The following SAMTOR variants were observed in gnomAD, a reference collection of about 807,000 sequenced individuals.
The protein encoded by SAMTOR is UPF0532 protein C7orf60.
At chr7:112,932,500 C>T in the SAMTOR span, among the ~76,000 whole-genome samples, 1 of 152,156 alleles carries the variant, frequency 6.6e-6, no homozygotes, top group Admixed American at 6.5e-5. Context: ...AAAGATAAAA[C>T]TCAACTATCT....
chr7:112,901,555 T>G, the SAMTOR span, among the ~76,000 whole-genome samples: 1 of 152,176 alleles, frequency 6.6e-6, no homozygotes, highest in African/African-American at 2.4e-5. Flanking sequence ...GCACAATAAA[T>G]GTAATGCACT....
the SAMTOR span, among the ~76,000 whole-genome samples, chr7:112,876,666 T>C: frequency 6.6e-6 from 1 of 152,182 alleles, no homozygotes; most frequent in Non-Finnish European, 1.5e-5. Context: ...TAACAGTGTA[T>C]GGATGCAGAG....
the SAMTOR span, among the ~76,000 whole-genome samples, chr7:112,859,547 T>C: frequency 1.3e-5 from 2 of 152,186 alleles, no homozygotes; most frequent in African/African-American, 4.8e-5. Flanking sequence ...ATTCCATAAG[T>C]ATTGTTGCCA....
the SAMTOR span, among the ~76,000 whole-genome samples, chr7:112,871,741 C>CACTAGTTAAACAAAGACT: frequency 1.3e-5 from 2 of 152,100 alleles, no homozygotes; most frequent in Admixed American, 6.5e-5. Flanking sequence ...ATTGACAGAC[C>CACTAGTTAAACAAAGACT]ACTAGTTAAA....
chr7:112,937,257 T>C, the SAMTOR span, among the ~76,000 whole-genome samples: 11 of 152,162 alleles, frequency 7.2e-5, no homozygotes, highest in African/African-American at 2.7e-4. Context: ...AACTCCAAGA[T>C]CCTAAGCTGG....
At chr7:112,840,101 C>A in the SAMTOR span, among the ~76,000 whole-genome samples, 7 of 151,872 alleles carry the variant, frequency 4.6e-5, no homozygotes, top group African/African-American at 1.7e-4. Context: ...GTTTTAACAA[C>A]ACCCAGAGAT....
chr7:112,826,715 C>T, the SAMTOR span, among the ~76,000 whole-genome samples: 1 of 152,060 alleles, frequency 6.6e-6, no homozygotes, highest in African/African-American at 2.4e-5. Context: ...TGCTTTGAGA[C>T]TGTTACCTAA....
the SAMTOR span, among the ~76,000 whole-genome samples, chr7:112,891,460 A>G: frequency 6.6e-6 from 1 of 152,222 alleles, no homozygotes; most frequent in East Asian, 1.9e-4. Context: ...TACTTTCATA[A>G]TTATTTTCTG....
the SAMTOR span, among the ~76,000 whole-genome samples, chr7:112,923,018 G>T: frequency 2.6e-5 from 4 of 152,292 alleles, no homozygotes; most frequent in Admixed American, 6.5e-5. Flanking sequence ...TGACAATAGC[G>T]GTTTTGTGGA....
the SAMTOR span, among the ~76,000 whole-genome samples, chr7:112,923,613 A>G: frequency 2.0e-5 from 3 of 152,358 alleles, no homozygotes; most frequent in Admixed American, 6.5e-5. Flanking sequence ...AACTAGTTCA[A>G]CCATTGTGGA....
At chr7:112,858,579 A>G in the SAMTOR span, among the ~76,000 whole-genome samples, 1 of 152,136 alleles carries the variant, frequency 6.6e-6, no homozygotes, top group African/African-American at 2.4e-5. Flanking sequence ...TCCTTTTTCC[A>G]GTTAGCAAAG....
chr7:112,857,829 T>C, the SAMTOR span, among the ~76,000 whole-genome samples: 1 of 152,222 alleles, frequency 6.6e-6, no homozygotes, highest in Non-Finnish European at 1.5e-5. Context: ...GTGTCACACA[T>C]ACCCTGAACC....
At chr7:112,891,125 A>AT in the SAMTOR span, among the ~76,000 whole-genome samples, 2 of 152,196 alleles carry the variant, frequency 1.3e-5, no homozygotes, top group East Asian at 3.8e-4. Flanking sequence ...TAAAGTTGAT[A>AT]TTTTCCATAC....
chr7:112,850,471 G>A, the SAMTOR span, among the ~76,000 whole-genome samples: 535 of 152,270 alleles, frequency 3.5e-3, 2 homozygotes, highest in Non-Finnish European at 5.7e-3. Flanking sequence ...GTATCAGTAA[G>A]ATTGGTACCA....
At chr7:112,886,056 G>C in the SAMTOR span, among the ~76,000 whole-genome samples, 1 of 152,142 alleles carries the variant, frequency 6.6e-6, no homozygotes, top group African/African-American at 2.4e-5. Context: ...GAAGTGCTGA[G>C]CAAAAGGGGG....
At chr7:112,917,241 C>G in the SAMTOR span, among the ~76,000 whole-genome samples, 1 of 152,198 alleles carries the variant, frequency 6.6e-6, no homozygotes, top group Non-Finnish European at 1.5e-5. Context: ...GCCGGGTACT[C>G]CTCTGAGACA....
chr7:112,902,743 T>C, the SAMTOR span, among the ~76,000 whole-genome samples: 49 of 152,242 alleles, frequency 3.2e-4, 1 homozygote, highest in South Asian at 9.7e-3. Flanking sequence ...AGTGGTTGTA[T>C]ATGGGAACTT....
the SAMTOR span, among the ~76,000 whole-genome samples, chr7:112,856,821 G>GA: frequency 6.6e-6 from 1 of 151,972 alleles, no homozygotes; most frequent in East Asian, 1.9e-4. Context: ...AAGAAATGAG[G>GA]AAAAATCAGA....
chr7:112,852,401 T>C, the SAMTOR span, among the ~76,000 whole-genome samples: 1 of 152,084 alleles, frequency 6.6e-6, no homozygotes, highest in South Asian at 2.1e-4. Flanking sequence ...CTAAGCAATG[T>C]GACAAACACA....
Sources: allele counts gnomAD v4.1 joint callset (sites outside exome capture counted in the v4.1 genomes callset), GRCh38; gene constraint gnomAD v4.1.1; transcripts MANE v1.5; gene names NCBI Gene and HGNC (gene_info 2026-07-23, HGNC 2026-07-21).